DLG2: variants seen among roughly 807,000 people sequenced by gnomAD.
DLG2 encodes disks large homolog 2.
In DLG2, 45 loss-of-function variants were observed where a neutral mutation model predicts 132.5. That is an observed-to-expected ratio of 0.34 (90% confidence interval 0.27 to 0.44). The LOEUF (loss-of-function observed/expected upper bound fraction) is 0.44. DLG2 is among the 20% of genes least tolerant of loss of function. DLG2 has a pLI of 1.00. For missense variants in DLG2, 1,045 were observed against 1,196.9 expected (o/e 0.87, Z 1.87); for synonymous variants, 424 against 419.6 (o/e 1.01, Z -0.13).
intron 6 of DLG2, among the ~76,000 whole-genome samples, chr11:85,053,796 CAAAAAAAA>C (rs34604489): frequency 5.5e-4 from 25 of 45,786 alleles, no homozygotes; most frequent in South Asian, 8.0e-4. Context: ...GACTCTGTCT[CAAAAAAAA>C]AAAAAAAAAA....
intron 6 of DLG2, among the ~76,000 whole-genome samples, chr11:84,576,995 A>G (rs527390360): frequency 6.6e-6 from 1 of 152,258 alleles, no homozygotes; most frequent in Admixed American, 6.5e-5. Flanking sequence ...TAATTGAATC[A>G]TGGGGCCAGT....
chr11:84,521,448 C>G (rs138893625), intron 7 of DLG2, among the ~76,000 whole-genome samples: 1 of 152,194 alleles, frequency 6.6e-6, no homozygotes, highest in Non-Finnish European at 1.5e-5. Flanking sequence ...CTCATAACAG[C>G]TGTGATTCTT....
intron 4 of DLG2, among the ~76,000 whole-genome samples, chr11:85,188,484 C>T (rs533547558): frequency 3.3e-5 from 5 of 152,116 alleles, no homozygotes; most frequent in African/African-American, 7.2e-5. Context: ...AACATGAAAG[C>T]GTGATCCATG....
chr11:85,073,950 C>T (rs919733891), intron 6 of DLG2, among the ~76,000 whole-genome samples: 1 of 151,792 alleles, frequency 6.6e-6, no homozygotes, highest in Non-Finnish European at 1.5e-5. Flanking sequence ...TTTGCAGCAA[C>T]CTGAATGTAT....
At chr11:84,130,552 A>G (rs2094379299) in intron 9 of DLG2, among the ~76,000 whole-genome samples, 1 of 140,038 alleles carries the variant, frequency 7.1e-6, no homozygotes, top group Non-Finnish European at 1.6e-5. Flanking sequence ...ATATATATAA[A>G]GTATATATAA....
chr11:83,834,237 T>C (rs1490325811), intron 16 of DLG2, among the ~76,000 whole-genome samples: 1 of 152,186 alleles, frequency 6.6e-6, no homozygotes, highest in Admixed American at 6.5e-5. Context: ...ATGGGGCTCA[T>C]TAGAAGATTC....
At chr11:84,064,947 T>G (rs542755045) in intron 10 of DLG2, among the ~76,000 whole-genome samples, 1 of 152,102 alleles carries the variant, frequency 6.6e-6, no homozygotes, top group Non-Finnish European at 1.5e-5. Flanking sequence ...TCAACAACAT[T>G]GACAAAAACA....
intron 7 of DLG2, among the ~76,000 whole-genome samples, chr11:84,269,972 T>TG: frequency 6.6e-6 from 1 of 152,334 alleles, no homozygotes; most frequent in Non-Finnish European, 1.5e-5. Flanking sequence ...TCTAGAATAG[T>TG]GTCTGACACA....
At chr11:83,562,199 T>C (rs901662973) in intron 19 of DLG2, among the ~76,000 whole-genome samples, 1 of 152,116 alleles carries the variant, frequency 6.6e-6, no homozygotes, top group Non-Finnish European at 1.5e-5. Flanking sequence ...AGTATTCCTA[T>C]TCTGTAGATA....
chr11:84,858,001 A>C (rs530936528), intron 6 of DLG2, among the ~76,000 whole-genome samples: 4 of 151,268 alleles, frequency 2.6e-5, no homozygotes, highest in African/African-American at 9.7e-5. Flanking sequence ...CAAGCTATCC[A>C]CCTTTTTTAG....
intron 19 of DLG2, among the ~76,000 whole-genome samples, chr11:83,553,387 A>T (rs539677749): frequency 6.6e-6 from 1 of 152,260 alleles, no homozygotes; most frequent in South Asian, 2.1e-4. Context: ...TCAATAAAAC[A>T]TGGTAGAAAC....
At chr11:83,884,509 G>A (rs1232440822) in intron 15 of DLG2, among the ~76,000 whole-genome samples, 1 of 152,150 alleles carries the variant, frequency 6.6e-6, no homozygotes, top group Non-Finnish European at 1.5e-5. Context: ...ATCCACCTCT[G>A]GGGGCAGGGC....
chr11:83,992,328 CTGCT>C (rs2093768222), intron 11 of DLG2, among the ~76,000 whole-genome samples: 4 of 152,010 alleles, frequency 2.6e-5, no homozygotes, highest in Admixed American at 2.6e-4. Flanking sequence ...GTGGTAAGTG[CTGCT>C]ATGAGAGGAA....
intron 19 of DLG2, among the ~76,000 whole-genome samples, chr11:83,551,283 C>G (rs543068): frequency 0.63 from 95,933 of 151,942 alleles, 30,444 homozygotes; most frequent in African/African-American, 0.67. Flanking sequence ...CCTGGTTCTA[C>G]TGTTACTCAC....
intron 21 of DLG2, among the ~76,000 whole-genome samples, chr11:83,525,491 C>G (rs1337865722): frequency 6.6e-6 from 1 of 152,190 alleles, no homozygotes; most frequent in Non-Finnish European, 1.5e-5. Flanking sequence ...TAAAACCACA[C>G]TGCATGCAGT....
At chr11:84,863,518 C>T (rs539469829) in intron 6 of DLG2, among the ~76,000 whole-genome samples, 2 of 152,006 alleles carry the variant, frequency 1.3e-5, no homozygotes, top group African/African-American at 2.4e-5. Context: ...TTAATCCATC[C>T]CTTCCTTTAC....
intron 6 of DLG2, among the ~76,000 whole-genome samples, chr11:85,024,112 A>C (rs1248628019): frequency 1.3e-5 from 2 of 152,144 alleles, no homozygotes; most frequent in Non-Finnish European, 2.9e-5. Context: ...GTGGATTATA[A>C]TTAAACTGTC....
intron 16 of DLG2, among the ~76,000 whole-genome samples, chr11:83,840,009 C>T (rs531678576): frequency 1.3e-5 from 2 of 152,160 alleles, no homozygotes; most frequent in African/African-American, 4.8e-5. Flanking sequence ...ACCTTACTAC[C>T]CTGCTTAAAC....
At chr11:84,405,062 TA>T (rs1226704847) in intron 7 of DLG2, among the ~76,000 whole-genome samples, 1 of 152,114 alleles carries the variant, frequency 6.6e-6, no homozygotes, top group Non-Finnish European at 1.5e-5. Context: ...TTTATTCTTG[TA>T]ATAAGGAAGA....
Sources: allele counts gnomAD v4.1 joint callset (sites outside exome capture counted in the v4.1 genomes callset), GRCh38; gene constraint gnomAD v4.1.1; transcripts MANE v1.5; gene names NCBI Gene and HGNC (gene_info 2026-07-23, HGNC 2026-07-21).